Variants in KALRN observed in about 807,000 individuals in gnomAD.
The protein encoded by KALRN is kalirin.
KALRN carries 70 observed loss-of-function variants against 353.7 expected under a neutral mutation model. The ratio of observed to expected loss-of-function variants is 0.20; its 90% CI spans 0.16 to 0.24. KALRN has a LOEUF of 0.24. Ranked by LOEUF, KALRN falls within the 10% of genes least tolerant of loss-of-function variation. The pLI is 1.00. For missense variants in KALRN, 2,791 were observed against 3,756.7 expected (o/e 0.74, Z 6.72); for synonymous variants, 1,391 against 1,434.8 (o/e 0.97, Z 0.69).
chr3:124,348,480 A>G (rs2082501266), intron 10 of KALRN, among the ~76,000 whole-genome samples: 2 of 152,240 alleles, frequency 1.3e-5, no homozygotes, highest in African/African-American at 4.8e-5. Flanking sequence ...GAGGCCTCAT[A>G]GGAGGCAGAA....
At chr3:124,664,357 G>C (rs1390575970) in intron 45 of KALRN, among the ~76,000 whole-genome samples, 1 of 122,874 alleles carries the variant, frequency 8.1e-6, no homozygotes, top group Non-Finnish European at 1.7e-5. Flanking sequence ...GTGTGTGTGT[G>C]TGTGTGTGTG....
intron 1 of KALRN, among the ~76,000 whole-genome samples, chr3:124,203,086 C>T (rs2076100092): frequency 6.6e-6 from 1 of 152,230 alleles, no homozygotes; most frequent in Non-Finnish European, 1.5e-5. Flanking sequence ...CCCACTCCTC[C>T]TTCCTCCTCA....
chr3:124,152,043 T>C, intron 1 of KALRN: 1 of 1,410,902 alleles, frequency 7.1e-7, no homozygotes, highest in Non-Finnish European at 9.9e-7. Context: ...GTCTTTTTCT[T>C]CATTCTGTCT....
At chr3:124,278,664 TTTTAC>T (rs2075033430) in intron 5 of KALRN, among the ~76,000 whole-genome samples, 1 of 152,126 alleles carries the variant, frequency 6.6e-6, no homozygotes, top group Non-Finnish European at 1.5e-5. Context: ...GTAAAACCAA[TTTTAC>T]TTTATAATTT....
At chr3:124,367,631 GT>G (rs1277176611) in intron 10 of KALRN, among the ~76,000 whole-genome samples, 1 of 25,670 alleles carries the variant, frequency 3.9e-5, no homozygotes, top group African/African-American at 1.3e-4. Context: ...GGCTGGCCGG[GT>G]TGGGGGGCTG....
intron 34 of KALRN, among the ~76,000 whole-genome samples, chr3:124,616,100 AGCCACCT>A (rs932795243): frequency 1.3e-5 from 2 of 152,202 alleles, no homozygotes; most frequent in African/African-American, 2.4e-5. Context: ...TTTGACCTCT[AGCCACCT>A]GTTACTTCCT....
chr3:124,367,120 T>C (rs2084897257), intron 10 of KALRN, among the ~76,000 whole-genome samples: 1 of 90,198 alleles, frequency 1.1e-5, no homozygotes, highest in Non-Finnish European at 2.2e-5. Flanking sequence ...GCTCCTCACT[T>C]CCCAGTAGGG....
In KALRN at chr3:124,697,667, C is replaced by T. The variant is rs371432218; in HGVS notation, c.7774C>T (p.Pro2592Ser). The T allele has an allele frequency of 6.2e-7, 1 of 1,605,904 alleles. No homozygotes were observed. The change falls in exon 55 of 60, where the codon CCC becomes TCC. Residue 2592 changes from proline to serine, a missense_variant. Around this residue, in one of 11 missense-constraint regions of KALRN, gnomAD observed 1,065 missense variants for 1,156.4 expected, o/e 0.92. Transcript: ENST00000682506. ...CTSVILRWLP[P>S]SSTGNCTISG... ...CTCCGTGATTCTCCGCTGGCTGCCC[C>T]CCTCCAGCACAGGAAACTGCACTAT...
At chr3:124,693,885 A>G (rs1241215325) in intron 52 of KALRN, 54 bp downstream of exon 52, 1 of 1,303,950 alleles carries the variant, frequency 7.7e-7, no homozygotes, top group East Asian at 2.3e-5. Flanking sequence ...AATAAATTAT[A>G]GTTAATCCAG....
chr3:124,568,114 T>A (rs936293686), intron 34 of KALRN, among the ~76,000 whole-genome samples: 1 of 152,162 alleles, frequency 6.6e-6, no homozygotes, highest in South Asian at 2.1e-4. Flanking sequence ...AGGTTGAGGG[T>A]TAATGTCCAG....
chr3:124,154,702 A>AT (rs2068709782), intron 1 of KALRN, among the ~76,000 whole-genome samples: 1 of 152,210 alleles, frequency 6.6e-6, no homozygotes, highest in Non-Finnish European at 1.5e-5. Flanking sequence ...TAATTTATAG[A>AT]TTCAATGCCA....
At chr3:124,413,724 A>G in intron 14 of KALRN, 59 bp downstream of exon 14, 2 of 1,345,662 alleles carry the variant, frequency 1.5e-6, no homozygotes, top group Non-Finnish European at 2.1e-6. Flanking sequence ...CATACCATCT[A>G]GCCTGCAAGG....
chr3:124,570,905 A>T (rs2073442724), intron 34 of KALRN, among the ~76,000 whole-genome samples: 1 of 152,202 alleles, frequency 6.6e-6, no homozygotes, highest in Non-Finnish European at 1.5e-5. Context: ...CCCTTCCACA[A>T]TGTCCTTGAC....
At chr3:124,082,740 A>G (rs1477050708) in intron 1 of KALRN, among the ~76,000 whole-genome samples, 2 of 152,252 alleles carry the variant, frequency 1.3e-5, no homozygotes, top group African/African-American at 4.8e-5. Context: ...TGCAGACAAC[A>G]TGAACGCAAT....
In KALRN at chr3:124,664,998, T is replaced by C. The variant is rs567359149; in HGVS notation, c.6346-1451T>C. Among the ~76,000 whole-genome samples, 11 of 152,318 alleles carry C rather than the reference T, an allele frequency of 7.2e-5. 1 individual carries two copies. The highest frequency in any genetic ancestry group is 6.2e-4 in the South Asian group (3 of 4,822). Reference sequence around the variant, plus strand: ...AGCTGGTCACTGGCTTAATATTAACTTTAGACCACAGTAGAGATAAGCCTG... The same window carrying C: ...AGCTGGTCACTGGCTTAATATTAACCTTAGACCACAGTAGAGATAAGCCTG... On this transcript the variant is annotated intron_variant, in intron 45 of 59. Transcript: ENST00000682506.
chr3:124,605,503 G>A (rs1471373986), intron 34 of KALRN, among the ~76,000 whole-genome samples: 2 of 151,832 alleles, frequency 1.3e-5, no homozygotes, highest in African/African-American at 4.8e-5. Flanking sequence ...AACCCAGCAG[G>A]CGGAGGTTGC....
intron 9 of KALRN, among the ~76,000 whole-genome samples, chr3:124,341,020 T>C (rs948206966): frequency 1.3e-5 from 2 of 152,126 alleles, no homozygotes; most frequent in Admixed American, 6.5e-5. Flanking sequence ...GAAAAGACTG[T>C]CTCCTGTGCT....
chr3:124,367,652 A>C (rs1248444097), intron 10 of KALRN, among the ~76,000 whole-genome samples: 3 of 11,212 alleles, frequency 2.7e-4, no homozygotes, highest in Admixed American at 9.2e-4. Context: ...GACCGCCCCC[A>C]CCTCCCTCCC....
intron 6 of KALRN, among the ~76,000 whole-genome samples, chr3:124,311,732 G>T (rs1245214380): frequency 6.6e-6 from 1 of 152,104 alleles, no homozygotes; most frequent in Admixed American, 6.5e-5. Flanking sequence ...TAATCAAAAG[G>T]TGGAAACTAC....
Sources: allele counts gnomAD v4.1 joint callset (sites outside exome capture counted in the v4.1 genomes callset), GRCh38; gene constraint gnomAD v4.1.1; regional missense constraint gnomAD v4.1.1; transcripts MANE v1.5; gene names NCBI Gene and HGNC (gene_info 2026-07-23, HGNC 2026-07-21).